Variants in ATP9A observed in about 807,000 individuals in gnomAD.
ATP9A encodes the protein probable phospholipid-transporting ATPase IIA.
A neutral mutation model predicts 144.1 loss-of-function variants in ATP9A; 52 were observed. The observed-to-expected ratio is 0.36, with a 90% CI of 0.29 to 0.45. The LOEUF (loss-of-function observed/expected upper bound fraction) is 0.45, where lower values mean the gene tolerates loss of function less well. Ranked by LOEUF, ATP9A falls within the 20% of genes least tolerant of loss-of-function variation. The pLI is 1.00. For synonymous variants in ATP9A, 582 were observed against 557.4 expected, an observed-to-expected ratio of 1.04 and a Z score of -0.62; for missense variants, 947 against 1,392.7, an observed-to-expected ratio of 0.68 and a Z score of 5.09.
intron 1 of ATP9A, among the ~76,000 whole-genome samples, chr20:51,754,908 G>C (rs1468605263): frequency 6.6e-6 from 1 of 151,396 alleles, no homozygotes; most frequent in African/African-American, 2.4e-5. Flanking sequence ...TCAGGAGTTT[G>C]AGACCAGCCT....
At chr20:51,745,000 G>T (rs1390834191) in intron 1 of ATP9A, among the ~76,000 whole-genome samples, 1 of 151,960 alleles carries the variant, frequency 6.6e-6, no homozygotes, top group African/African-American at 2.4e-5. Flanking sequence ...CATGGGCCGG[G>T]TGCAGTGGCT....
At chr20:51,738,582 AC>A (rs1468041903) in intron 1 of ATP9A, among the ~76,000 whole-genome samples, 1 of 151,934 alleles carries the variant, frequency 6.6e-6, no homozygotes, top group African/African-American at 2.4e-5. Context: ...CGCATGACAC[AC>A]CTGTAGTCCC....
chr20:51,615,088 T>TG (rs889109534), intron 22 of ATP9A, among the ~76,000 whole-genome samples: 9 of 524 alleles, frequency 0.017, no homozygotes, highest in South Asian at 0.062. Flanking sequence ...TGGGGGTGCC[T>TG]GGGGGGGCGG....
Position 51,728,536 on chromosome 20 carries a change from G to A in ATP9A, c.213+1298C>T, listed in dbSNP as rs1248055650. ...CTAGCTACTTGGGAGGCTGAGGCAG[G>A]AGAATTGCTTGAACCCAGGAGGCGG... On this transcript the variant is annotated intron_variant, in intron 2 of 27. Coordinates refer to ENST00000338821, the MANE Select transcript of ATP9A (RefSeq NM_006045.3). Among the ~76,000 whole-genome samples, 4 of 151,424 alleles carry A rather than the reference G, an allele frequency of 2.6e-5. No individual in the cohort carries two copies. In the East Asian group the frequency reaches 5.8e-4, roughly 22 times the overall value.
intron 1 of ATP9A, among the ~76,000 whole-genome samples, chr20:51,733,674 TTTTTTTTTAA>T (rs2077751475): frequency 6.7e-6 from 1 of 149,844 alleles, no homozygotes; most frequent in South Asian, 2.1e-4. Flanking sequence ...TACCTGGCCT[TTTTTTTTTAA>T]TTTTTTTTTA....
chr20:51,640,392 T>C (rs964699588), intron 14 of ATP9A, among the ~76,000 whole-genome samples: 2 of 152,140 alleles, frequency 1.3e-5, no homozygotes, highest in Non-Finnish European at 2.9e-5. Context: ...CCAGGGATGC[T>C]ACAAAACGTC....
At chr20:51,604,707 AAGAGCCCAGGC>A in intron 27 of ATP9A, 99 bp downstream of exon 27, 1 of 1,002,874 alleles carries the variant, frequency 1.0e-6, no homozygotes. Flanking sequence ...CTGCTGGAGG[AAGAGCCCAGGC>A]CGAGCGCTGG....
At chr20:51,739,407 G>C (rs181629455) in intron 1 of ATP9A, among the ~76,000 whole-genome samples, 1 of 147,488 alleles carries the variant, frequency 6.8e-6, no homozygotes, top group African/African-American at 2.5e-5. Context: ...CTGGAGTGCA[G>C]GTGACACAAT....
At chr20:51,641,603 T>C (rs1228010663) in intron 14 of ATP9A, among the ~76,000 whole-genome samples, 1 of 151,072 alleles carries the variant, frequency 6.6e-6, no homozygotes, top group Non-Finnish European at 1.5e-5. Flanking sequence ...TCACCTGAGG[T>C]CAGGAGTTCG....
chr20:51,609,532 T>C (rs1404669911), intron 24 of ATP9A, among the ~76,000 whole-genome samples: 4 of 152,092 alleles, frequency 2.6e-5, no homozygotes, highest in Non-Finnish European at 4.4e-5. Flanking sequence ...TCTGAAAAGG[T>C]CAGAAGGATC....
chr20:51,697,110 G>A (rs1411241893), intron 5 of ATP9A, among the ~76,000 whole-genome samples: 2 of 152,122 alleles, frequency 1.3e-5, no homozygotes, highest in Non-Finnish European at 2.9e-5. Context: ...CAGACTTCTA[G>A]GAAAAACTTT....
intron 3 of ATP9A, among the ~76,000 whole-genome samples, chr20:51,713,811 T>G (rs2077650198): frequency 6.6e-6 from 1 of 152,208 alleles, no homozygotes; most frequent in Non-Finnish European, 1.5e-5. Flanking sequence ...GTTTTCCAAT[T>G]TCCTTAACTA....
intron 9 of ATP9A, 57 bp from the exon 10 acceptor site, chr20:51,676,265 G>C: frequency 7.3e-7 from 1 of 1,376,854 alleles, no homozygotes; most frequent in Non-Finnish European, 9.9e-7. Flanking sequence ...CAGACAGGCA[G>C]GCTTGCAAAT....
chr20:51,636,530 C>T (rs201874419), intron 15 of ATP9A, among the ~76,000 whole-genome samples: 1 of 151,096 alleles, frequency 6.6e-6, no homozygotes, highest in East Asian at 1.9e-4. Flanking sequence ...ATGTCCCTCT[C>T]GTCACACCCC....
Position 51,657,106 on chromosome 20 carries a change from A to G in ATP9A, c.1338T>C (p.Thr446=), listed in dbSNP as rs2077390338. Residue 446 remains threonine, a synonymous_variant, in exon 14 of 28, where the codon ACT becomes ACC. Coordinates refer to ENST00000338821, the MANE Select transcript of ATP9A (RefSeq NM_006045.3). ...GGCTGCTCATGGTCCGCCGGACCTTAGTGGTGAGCGTTGGGCCCTTCTGAG... is the reference window on the plus strand; with the variant it reads ...GGCTGCTCATGGTCCGCCGGACCTTGGTGGTGAGCGTTGGGCCCTTCTGAG... ...PPAQKGPTLT[T]KVRRTMSSRV... is the part of the protein sequence containing the mutation. 2 of 1,614,036 alleles carry G rather than the reference A, an allele frequency of 1.2e-6. No individual in the cohort carries two copies. Among genetic ancestry groups the G allele is most frequent in the African/African-American group, 1.3e-5 (1 of 74,904 alleles).
intron 4 of ATP9A, 29 bp from the exon 5 acceptor site, chr20:51,697,511 A>G: frequency 6.2e-7 from 1 of 1,607,466 alleles, no homozygotes; most frequent in African/African-American, 1.3e-5. Flanking sequence ...AAGATACATC[A>G]CCATCTTAAT....
intron 18 of ATP9A, among the ~76,000 whole-genome samples, chr20:51,622,456 A>G (rs753417636): frequency 6.6e-6 from 1 of 152,314 alleles, no homozygotes; most frequent in Non-Finnish European, 1.5e-5. Context: ...CTTGGACCGC[A>G]TAATTCCCCT....
rs776636021 is a variant in ATP9A at position 51,713,072 on chromosome 20, G to A, written c.330C>T (p.Gly110=). Residue 110 remains glycine, a splice_region_variant and synonymous_variant, in exon 4 of 28, where the codon GGC becomes GGT. Transcript: ENST00000338821. ...GGATGACAGTGACGGCCAGCACGAA[G>A]CCCTGCAGAGACAGACGACAGTGAG... ...GALYTYWVPL[G]FVLAVTVIRE... is the part of the protein sequence containing the mutation. 13 of 1,608,624 alleles carry A rather than the reference G, an allele frequency of 8.1e-6. No homozygotes were observed. In the African/African-American group the frequency reaches 1.5e-4, roughly 18 times the overall value.
At chr20:51,634,380 G>A (rs967256160) in intron 15 of ATP9A, among the ~76,000 whole-genome samples, 1 of 152,172 alleles carries the variant, frequency 6.6e-6, no homozygotes, top group Non-Finnish European at 1.5e-5. Flanking sequence ...CCAGACCACA[G>A]ATGTTCTTGA....
Sources: allele counts gnomAD v4.1 joint callset (sites outside exome capture counted in the v4.1 genomes callset), GRCh38; gene constraint gnomAD v4.1.1; transcripts MANE v1.5; gene names NCBI Gene and HGNC (gene_info 2026-07-23, HGNC 2026-07-21).